FMN2: variants seen among roughly 807,000 people sequenced by gnomAD.
FMN2 encodes formin 2.
FMN2 carries 51 observed loss-of-function variants against 142.3 expected under a neutral mutation model. That is an observed-to-expected ratio of 0.36 (90% CI 0.29 to 0.45). The LOEUF is 0.45. Among genes scored for constraint, FMN2 ranks in the 20% least tolerant of loss-of-function variants. The pLI, the probability that FMN2 is intolerant of heterozygous loss-of-function variation, is 1.00. For synonymous variants in FMN2, 882 were observed against 869.8 expected, an observed-to-expected ratio of 1.01 and a Z score of -0.25; for missense variants, 1,936 against 2,122.8, an observed-to-expected ratio of 0.91 and a Z score of 1.73.
At chr1:240,155,807 C>A (rs1663997883) in intron 2 of FMN2, among the ~76,000 whole-genome samples, 1 of 150,090 alleles carries the variant, frequency 6.7e-6, no homozygotes, top group African/African-American at 2.5e-5. Flanking sequence ...ATGAGCAATG[C>A]ACAATTTGTT....
intron 14 of FMN2, among the ~76,000 whole-genome samples, chr1:240,359,831 A>G (rs1672400773): frequency 1.3e-5 from 2 of 152,184 alleles, no homozygotes; most frequent in African/African-American, 4.8e-5. Context: ...AACACTTATC[A>G]CTGTCTGCAA....
intron 1 of FMN2, among the ~76,000 whole-genome samples, chr1:240,110,954 AT>A (rs1371049406): frequency 1.3e-5 from 2 of 152,176 alleles, no homozygotes; most frequent in African/African-American, 2.4e-5. Context: ...TACCTTGCCT[AT>A]TACCGTACTA....
At chr1:240,380,789 A>T (rs1673200898) in intron 14 of FMN2, among the ~76,000 whole-genome samples, 1 of 151,888 alleles carries the variant, frequency 6.6e-6, no homozygotes, top group African/African-American at 2.4e-5. Flanking sequence ...ATGATAAAGG[A>T]TCAACAAAAC....
chr1:240,290,734 C>T (rs12138203), intron 7 of FMN2, among the ~76,000 whole-genome samples: 45,861 of 147,414 alleles, frequency 0.31, 7,547 homozygotes, highest in Admixed American at 0.48. Context: ...AAATCGTAGA[C>T]AAGAATTGTT....
chr1:240,351,928 A>G (rs1672109932), intron 13 of FMN2, among the ~76,000 whole-genome samples: 1 of 152,206 alleles, frequency 6.6e-6, no homozygotes, highest in African/African-American at 2.4e-5. Context: ...GATATCATGG[A>G]TGTGTATGAT....
chr1:240,300,608 C>T lies in FMN2; in HGVS notation c.4215+5725C>T, dbSNP rs548732776. 4.6e-5 allele frequency among the ~76,000 whole-genome samples: 7 copies of T among 152,196 alleles called. No individual in the cohort carries two copies. In the East Asian group the frequency reaches 1.4e-3, roughly 29 times the overall value. On this transcript the variant is annotated intron_variant, in intron 8 of 17. Transcript: ENST00000319653. Reference sequence around the variant, plus strand: ...ATAGCATGCTCAGATGCCCATCAAACCGAAATGAAAACAAAATAAAGAGAC... The same window carrying T: ...ATAGCATGCTCAGATGCCCATCAAATCGAAATGAAAACAAAATAAAGAGAC...
intron 8 of FMN2, among the ~76,000 whole-genome samples, chr1:240,296,951 G>A (rs1057236646): frequency 6.6e-6 from 1 of 152,060 alleles, no homozygotes; most frequent in Non-Finnish European, 1.5e-5. Context: ...CAATGAAATT[G>A]GTATTTAAAA....
chr1:240,239,177 C>T (rs1032618231), intron 6 of FMN2, among the ~76,000 whole-genome samples: 19 of 152,184 alleles, frequency 1.2e-4, no homozygotes, highest in African/African-American at 4.6e-4. Flanking sequence ...TTTTATTGAA[C>T]AGCAAAACGC....
At chr1:240,297,880 C>T (rs1249112594) in intron 8 of FMN2, among the ~76,000 whole-genome samples, 2 of 152,110 alleles carry the variant, frequency 1.3e-5, no homozygotes, top group Admixed American at 6.5e-5. Context: ...GGTGAGGGCC[C>T]TCTTCCAGGT....
intron 2 of FMN2, among the ~76,000 whole-genome samples, chr1:240,157,967 T>C (rs535551732): frequency 2.2e-5 from 3 of 136,738 alleles, no homozygotes; most frequent in East Asian, 4.2e-4. Context: ...TCAGACTCTG[T>C]CTCTACTAAA....
intron 13 of FMN2, among the ~76,000 whole-genome samples, chr1:240,335,852 A>T (rs1220119888): frequency 2.0e-5 from 3 of 152,178 alleles, no homozygotes; most frequent in Non-Finnish European, 4.4e-5. Flanking sequence ...TTTGAAAAGG[A>T]CAAGCAGCCG....
At chr1:240,369,075 C>T (rs9287232) in intron 14 of FMN2, among the ~76,000 whole-genome samples, 102,392 of 151,902 alleles carry the variant, frequency 0.67, 36,284 homozygotes, top group African/African-American at 0.9. Flanking sequence ...GCTGAATAGA[C>T]AGATCTCTGG....
At chr1:240,278,046 A>T (rs1669276939) in intron 7 of FMN2, among the ~76,000 whole-genome samples, 1 of 152,176 alleles carries the variant, frequency 6.6e-6, no homozygotes, top group African/African-American at 2.4e-5. Flanking sequence ...TTTGAGATGA[A>T]TTATTTCTAA....
At chr1:240,233,554 T>C (rs1311923129) in intron 6 of FMN2, among the ~76,000 whole-genome samples, 2 of 152,166 alleles carry the variant, frequency 1.3e-5, no homozygotes, top group Non-Finnish European at 2.9e-5. Context: ...TGAAGACTCA[T>C]GCTGAGTTTA....
chr1:240,125,780 C>T (rs752102483), intron 2 of FMN2, among the ~76,000 whole-genome samples: 61 of 152,246 alleles, frequency 4.0e-4, no homozygotes, highest in Non-Finnish European at 7.4e-4. Context: ...TCACTCCATC[C>T]TTGTGTTAGA....
intron 16 of FMN2, chr1:240,458,600 T>C (rs1470912787): frequency 1.3e-5 from 2 of 152,172 alleles, no homozygotes; most frequent in African/African-American, 2.4e-5. Context: ...ATAAAAAACT[T>C]TTCTGAGCTA....
intron 6 of FMN2, among the ~76,000 whole-genome samples, chr1:240,227,723 G>A (rs1242351528): frequency 6.6e-6 from 1 of 152,190 alleles, no homozygotes; most frequent in East Asian, 1.9e-4. Flanking sequence ...AACAAATGGT[G>A]TTGGGACAAC....
At position 240,113,446 on chromosome 1, in the gene FMN2, C is replaced by T. The variant is rs180785834; in HGVS notation, c.1616-9733C>T. 4.0e-3 allele frequency among the ~76,000 whole-genome samples: 607 copies of T among 151,844 alleles called. 21 individuals carry two copies. The highest frequency in any genetic ancestry group is 0.038 in the Admixed American group (575 of 15,226). On this transcript the variant is annotated intron_variant, in intron 1 of 17. Coordinates refer to ENST00000319653, the MANE Select transcript of FMN2 (RefSeq NM_020066.5). ...AGGCATAGTGGCACACGCCTATGGT[C>T]CCAGCTACTCGGGAGGCAGGAGAAT... is the stretch of plus-strand genomic sequence containing the variant.
intron 16 of FMN2, among the ~76,000 whole-genome samples, chr1:240,454,752 G>A (rs940139288): frequency 2.6e-5 from 4 of 152,080 alleles, no homozygotes; most frequent in Non-Finnish European, 5.9e-5. Flanking sequence ...GAAGGGGCTG[G>A]GAGCATTGAA....
Sources: gnomAD v4.1 joint callset for allele counts (sites outside exome capture counted in the v4.1 genomes callset) on GRCh38, gnomAD v4.1.1 for gene constraint, MANE v1.5 for transcripts, NCBI Gene and HGNC (gene_info 2026-07-23, HGNC 2026-07-21) for gene names.